The following ERBB4 variants were observed in gnomAD, a reference collection of about 807,000 sequenced individuals.
The protein encoded by ERBB4 is erb-b2 receptor tyrosine kinase 4.
Under a neutral mutation model 158.0 loss-of-function variants are expected in ERBB4, and 42 were observed. The observed-to-expected ratio is 0.27, with a 90% CI of 0.21 to 0.34. ERBB4 has a LOEUF of 0.34. Ranked by LOEUF, ERBB4 falls within the 10% of genes least tolerant of loss-of-function variation. ERBB4 has a pLI of 1.00. For missense variants in ERBB4, 1,333 were observed against 1,624.1 expected (o/e 0.82, Z 3.08); for synonymous variants, 583 against 558.7 (o/e 1.04, Z -0.61).
chr2:212,001,358 C>T (rs188867929), intron 2 of ERBB4, among the ~76,000 whole-genome samples: 210 of 152,124 alleles, frequency 1.4e-3, no homozygotes, highest in African/African-American at 4.7e-3. Flanking sequence ...TATATCTTTC[C>T]TAAGTAATTA....
intron 3 of ERBB4, among the ~76,000 whole-genome samples, chr2:211,801,085 TC>T (rs1375554823): frequency 6.6e-6 from 1 of 152,186 alleles, no homozygotes; most frequent in Non-Finnish European, 1.5e-5. Context: ...CGAATTCCAT[TC>T]CCCTTATAAT....
At chr2:212,533,393 G>A (rs1692861947) in intron 1 of ERBB4, among the ~76,000 whole-genome samples, 1 of 152,190 alleles carries the variant, frequency 6.6e-6, no homozygotes, top group Non-Finnish European at 1.5e-5. Context: ...CTCCCAGGCA[G>A]AGAAGCCAAG....
chr2:211,650,357 C>T (rs1009681250), intron 16 of ERBB4, among the ~76,000 whole-genome samples: 11 of 151,876 alleles, frequency 7.2e-5, no homozygotes, highest in African/African-American at 2.7e-4. Flanking sequence ...AATTCCAACC[C>T]TTTGAGTAAT....
intron 1 of ERBB4, among the ~76,000 whole-genome samples, chr2:212,245,029 A>T (rs554359631): frequency 4.4e-4 from 67 of 152,284 alleles, no homozygotes; most frequent in African/African-American, 1.6e-3. Flanking sequence ...TTTGAATCAC[A>T]GTTATTTTAT....
intron 1 of ERBB4, among the ~76,000 whole-genome samples, chr2:212,516,874 T>C (rs902426934): frequency 3.3e-5 from 5 of 152,100 alleles, no homozygotes; most frequent in South Asian, 2.1e-4. Flanking sequence ...CTGTGAGGTA[T>C]TGAAGAAATG....
intron 2 of ERBB4, among the ~76,000 whole-genome samples, chr2:212,084,943 A>C (rs1396823575): frequency 6.6e-6 from 1 of 151,982 alleles, no homozygotes; most frequent in African/African-American, 2.4e-5. Context: ...CAATTACATG[A>C]CTTAAGTAAT....
At chr2:212,299,398 T>A (rs1284036900) in intron 1 of ERBB4, among the ~76,000 whole-genome samples, 1 of 151,702 alleles carries the variant, frequency 6.6e-6, no homozygotes, top group Non-Finnish European at 1.5e-5. Context: ...AAGGTTTAAG[T>A]TGTTTACAAA....
intron 3 of ERBB4, among the ~76,000 whole-genome samples, chr2:211,838,967 G>T (rs1381336946): frequency 6.6e-6 from 1 of 152,060 alleles, no homozygotes; most frequent in African/African-American, 2.4e-5. Flanking sequence ...AAGCAGAAAT[G>T]ATTTACCAAC....
At chr2:211,768,494 T>C (rs1176488084) in intron 4 of ERBB4, among the ~76,000 whole-genome samples, 1 of 152,220 alleles carries the variant, frequency 6.6e-6, no homozygotes, top group East Asian at 1.9e-4. Flanking sequence ...GCTCTTCCAC[T>C]GCAACAAACT....
chr2:212,412,736 G>A lies in ERBB4; in HGVS notation c.82+125713C>T, dbSNP rs529476975. Among the ~76,000 whole-genome samples the A allele has an allele frequency of 3.3e-5, 5 of 152,230 alleles. No homozygotes were observed. In the East Asian group the frequency reaches 7.7e-4, roughly 24 times the overall value. On this transcript the variant is annotated intron_variant, in intron 1 of 27. Transcript: ENST00000342788. Reference sequence around the variant, plus strand: ...CCTGTTGTCTTTAGATCTCAGCTGAGACTTCCATTCTAAATTACTCAATTA... The same window carrying A: ...CCTGTTGTCTTTAGATCTCAGCTGAAACTTCCATTCTAAATTACTCAATTA...
chr2:211,407,681 G>A (rs1010807096), intron 25 of ERBB4, among the ~76,000 whole-genome samples: 1 of 152,146 alleles, frequency 6.6e-6, no homozygotes, highest in Admixed American at 6.6e-5. Flanking sequence ...TGAGAGGCTG[G>A]TCCACAGCCA....
intron 3 of ERBB4, among the ~76,000 whole-genome samples, chr2:211,901,340 ACTGT>A (rs2079230246): frequency 1.3e-5 from 2 of 152,316 alleles, no homozygotes; most frequent in South Asian, 4.1e-4. Context: ...GATTTAAAAA[ACTGT>A]CTGGTAAGTA....
At chr2:212,023,165 G>A (rs377218168) in intron 2 of ERBB4, among the ~76,000 whole-genome samples, 2 of 152,042 alleles carry the variant, frequency 1.3e-5, no homozygotes, top group East Asian at 3.9e-4. Flanking sequence ...GCCTGGACAT[G>A]AGCCATTATA....
At chr2:212,433,922 A>G (rs58698074) in intron 1 of ERBB4, among the ~76,000 whole-genome samples, 3,533 of 152,026 alleles carry the variant, frequency 0.023, 135 homozygotes, top group African/African-American at 0.08. Flanking sequence ...TACATGGAAG[A>G]GGGATGCTCA....
rs113854950 is a variant in ERBB4 at position 211,422,437 on chromosome 2, G to A, written c.2867-333C>T. Among the ~76,000 whole-genome samples, 663 of 150,166 alleles carry A rather than the reference G, an allele frequency of 4.4e-3. 6 individuals carry two copies. The highest frequency in any genetic ancestry group is 4.5e-3 in the Non-Finnish European group (306 of 67,506). ...TACAATGCTTACACTGGCACAAACG[G>A]GAAAAGAGGAATTAAAAGCAACTTT... On this transcript the variant is annotated intron_variant, in intron 23 of 27. Coordinates refer to ENST00000342788, the MANE Select transcript of ERBB4 (RefSeq NM_005235.3).
At chr2:211,442,347 A>G (rs1367157852) in intron 20 of ERBB4, among the ~76,000 whole-genome samples, 1 of 151,876 alleles carries the variant, frequency 6.6e-6, no homozygotes, top group Admixed American at 6.6e-5. Context: ...TCACTCTACA[A>G]CATAGTGATA....
chr2:211,389,872 A>G (rs561003168), intron 25 of ERBB4, among the ~76,000 whole-genome samples: 1 of 152,230 alleles, frequency 6.6e-6, no homozygotes, highest in South Asian at 2.1e-4. Flanking sequence ...TATATCAATC[A>G]CATTTAAATA....
rs142402612 is a variant in ERBB4 at position 211,873,881 on chromosome 2, A to T, written c.421+73549T>A. Among the ~76,000 whole-genome samples, 1,397 of 151,744 alleles carry T rather than the reference A, an allele frequency of 9.2e-3. 19 individuals are homozygous for T. The highest frequency in any genetic ancestry group is 0.032 in the African/African-American group (1,302 of 41,320). Reference sequence around the variant, plus strand: ...CTTAAAAAAAATAATAGATATAGATACTCTGCCTTCAAAAATGTATTGACT... The same window carrying T: ...CTTAAAAAAAATAATAGATATAGATTCTCTGCCTTCAAAAATGTATTGACT... On this transcript the variant is annotated intron_variant, in intron 3 of 27. Transcript: ENST00000342788.
At chr2:212,403,920 G>T (rs1362706581) in intron 1 of ERBB4, among the ~76,000 whole-genome samples, 1 of 151,890 alleles carries the variant, frequency 6.6e-6, no homozygotes. Flanking sequence ...ATCTTCTTTA[G>T]GCAGGCCTGC....
Sources: allele counts gnomAD v4.1 joint callset (sites outside exome capture counted in the v4.1 genomes callset), GRCh38; gene constraint gnomAD v4.1.1; transcripts MANE v1.5; gene names NCBI Gene and HGNC (gene_info 2026-07-23, HGNC 2026-07-21).